Variants in TNFRSF11B observed in about 807,000 individuals in gnomAD.
TNFRSF11B encodes the protein tumor necrosis factor receptor superfamily member 11B.
A neutral mutation model predicts 43.4 loss-of-function variants in TNFRSF11B; 16 were observed. The observed-to-expected ratio is 0.37, with a 90% CI of 0.25 to 0.56. TNFRSF11B has a LOEUF of 0.56. Ranked by LOEUF, TNFRSF11B falls within the 20% of genes least tolerant of loss-of-function variation. TNFRSF11B has a pLI of 0.80. For synonymous variants in TNFRSF11B, 185 were observed against 181.8 expected, an observed-to-expected ratio of 1.02 and a Z score of -0.14; for missense variants, 444 against 490.1, an observed-to-expected ratio of 0.91 and a Z score of 0.89.
intron 1 of TNFRSF11B, among the ~76,000 whole-genome samples, chr8:118,949,650 A>C (rs1362720095): frequency 6.6e-6 from 1 of 152,148 alleles, no homozygotes; most frequent in African/African-American, 2.4e-5. Flanking sequence ...TTATATTCCC[A>C]AGTCACCCAG....
chr8:118,943,966 G>A (rs1212455814), intron 1 of TNFRSF11B, among the ~76,000 whole-genome samples: 1 of 152,146 alleles, frequency 6.6e-6, no homozygotes, highest in Non-Finnish European at 1.5e-5. Flanking sequence ...GCAGAAGACA[G>A]AAGAGATCCT....
At chr8:118,946,773 T>TA (rs1331997485) in intron 1 of TNFRSF11B, among the ~76,000 whole-genome samples, 1 of 152,102 alleles carries the variant, frequency 6.6e-6, no homozygotes, top group African/African-American at 2.4e-5. Flanking sequence ...ACACATTTTT[T>TA]AAAAAAATCT....
intron 1 of TNFRSF11B, among the ~76,000 whole-genome samples, chr8:118,941,384 G>A (rs1027480010): frequency 6.6e-6 from 1 of 152,138 alleles, no homozygotes; most frequent in Non-Finnish European, 1.5e-5. Flanking sequence ...CATCTATACA[G>A]ACCTGATTTG....
At chr8:118,951,299 A>G (rs1161074679) in intron 1 of TNFRSF11B, among the ~76,000 whole-genome samples, 3 of 152,198 alleles carry the variant, frequency 2.0e-5, no homozygotes, top group Non-Finnish European at 4.4e-5. Context: ...AAAATTTCAC[A>G]TAATATTTAC....
At chr8:118,933,442 A>C (rs1812356703) in intron 1 of TNFRSF11B, 142 bp from the exon 2 acceptor site, 1 of 1,283,758 alleles carries the variant, frequency 7.8e-7, no homozygotes, top group African/African-American at 1.5e-5. Context: ...GGAAGCCATA[A>C]TTTTTGCCTC....
At chr8:118,942,576 A>C (rs1329562759) in intron 1 of TNFRSF11B, among the ~76,000 whole-genome samples, 1 of 152,156 alleles carries the variant, frequency 6.6e-6, no homozygotes, top group African/African-American at 2.4e-5. Context: ...ATGGCAAAAA[A>C]TAATAGCTTA....
intron 1 of TNFRSF11B, among the ~76,000 whole-genome samples, chr8:118,942,379 C>T (rs1048710995): frequency 3.9e-5 from 6 of 151,986 alleles, no homozygotes; most frequent in Admixed American, 3.9e-4. Flanking sequence ...TTATTAATGA[C>T]CTGTATTGAA....
At position 118,930,701 on chromosome 8, in the gene TNFRSF11B, C is replaced by T. The variant is rs1400516553; in HGVS notation, c.401-1772G>A. The T allele has an allele frequency of 2.9e-5, 13 of 442,548 alleles. 1 individual carries two copies. The highest frequency in any genetic ancestry group is 7.1e-5 in the East Asian group (1 of 14,134). 27.4% of individuals were successfully genotyped at this position (442,548 alleles called of 1,614,324 possible). On this transcript the variant is annotated intron_variant, in intron 2 of 4. Transcript: ENST00000297350. ...TCTTGAGATTACAGATGTGAGCCAC[C>T]GTGCCGGGCCTAAGAATCTTGTTCA...
intron 1 of TNFRSF11B, 23 bp from the exon 2 acceptor site, chr8:118,933,323 T>G: frequency 6.2e-7 from 1 of 1,611,842 alleles, no homozygotes; most frequent in Non-Finnish European, 8.5e-7. Flanking sequence ...AGGAACACAG[T>G]GGCATCATCT....
chr8:118,945,592 T>C (rs1812550188), intron 1 of TNFRSF11B, among the ~76,000 whole-genome samples: 1 of 152,146 alleles, frequency 6.6e-6, no homozygotes, highest in African/African-American at 2.4e-5. Context: ...CACAACTGAA[T>C]TGTTAAATTA....
At chr8:118,929,044 T>C in intron 2 of TNFRSF11B, 115 bp from the exon 3 acceptor site, 8 of 902,530 alleles carry the variant, frequency 8.9e-6, no homozygotes, top group Non-Finnish European at 1.4e-5. Context: ...TACTATTATG[T>C]TGCACAAAAC....
intron 1 of TNFRSF11B, among the ~76,000 whole-genome samples, chr8:118,944,105 G>A (rs1003636026): frequency 3.9e-5 from 6 of 152,100 alleles, no homozygotes; most frequent in Non-Finnish European, 7.4e-5. Flanking sequence ...AGATATAACT[G>A]GGATTTGGCT....
At chr8:118,941,006 T>C (rs1229296420) in intron 1 of TNFRSF11B, among the ~76,000 whole-genome samples, 1 of 152,192 alleles carries the variant, frequency 6.6e-6, no homozygotes, top group Non-Finnish European at 1.5e-5. Context: ...ATTAGGATCA[T>C]TGGAATTATA....
chr8:118,945,008 A>G (rs2129920194), intron 1 of TNFRSF11B, among the ~76,000 whole-genome samples: 1 of 152,216 alleles, frequency 6.6e-6, no homozygotes, highest in East Asian at 1.9e-4. Flanking sequence ...TCTCAGAATG[A>G]GAAAATCTTT....
intron 1 of TNFRSF11B, 49 bp downstream of exon 1, chr8:118,951,743 A>C (rs1479040440): frequency 1.3e-6 from 2 of 1,550,262 alleles, no homozygotes; most frequent in Non-Finnish European, 1.8e-6. Context: ...ACCAGGTGGC[A>C]GCAGCCTCCC....
chr8:118,943,008 G>T (rs1812510133), intron 1 of TNFRSF11B, among the ~76,000 whole-genome samples: 1 of 151,866 alleles, frequency 6.6e-6, no homozygotes, highest in Admixed American at 6.6e-5. Context: ...TACTCATACT[G>T]GTGAATAAAT....
chr8:118,928,871 C>G lies in TNFRSF11B; in HGVS notation c.459G>C (p.Glu153Asp), dbSNP rs766068733. Residue 153 changes from glutamate (E) to aspartate (D), a missense_variant, in exon 3 of 5, where the codon GAG (glutamate) becomes GAC (aspartate). Transcript: ENST00000297350. ...TTCTACAGGGTGCTTTAGATGACGT[C>G]TCATTTGAGAAGAACCCATCTGGAC... ...KRCPDGFFSN[E>D]TSSKAPCRKH... 3 of 1,614,160 alleles carry G rather than the reference C, an allele frequency of 1.9e-6. No individual in the cohort carries two copies. The Admixed American group carries it at 5.0e-5, about 27-fold the overall frequency.
chr8:118,939,776 T>A (rs952181770), intron 1 of TNFRSF11B, among the ~76,000 whole-genome samples: 2 of 152,164 alleles, frequency 1.3e-5, no homozygotes, highest in African/African-American at 2.4e-5. Flanking sequence ...AAGACACAGC[T>A]TTCGTGGTTA....
In TNFRSF11B at chr8:118,932,728, A is replaced by C. The variant is rs146084565; in HGVS notation, c.400+203T>G. Among the ~76,000 whole-genome samples the C allele has an allele frequency of 2.3e-4, 35 of 151,796 alleles. No individual in the cohort carries two copies. The East Asian group carries it at 6.4e-3, about 28-fold the overall frequency. On this transcript the variant is annotated intron_variant, in intron 2 of 4. Transcript: ENST00000297350. ...TTTGCTGCATTTGAGATTTGTCATT[A>C]AATTGCCCTGTAGTGGCAAAGTATT...
Sources: gnomAD v4.1 joint callset for allele counts (sites outside exome capture counted in the v4.1 genomes callset) on GRCh38, gnomAD v4.1.1 for gene constraint, MANE v1.5 for transcripts, NCBI Gene and HGNC (gene_info 2026-07-23, HGNC 2026-07-21) for gene names.